KHDRBS2: variants seen among roughly 807,000 people sequenced by gnomAD.
KHDRBS2 encodes the protein KH RNA binding domain containing, signal transduction associated 2.
KHDRBS2 carries 26 observed loss-of-function variants against 44.3 expected under a neutral mutation model. The observed-to-expected ratio is 0.59, with a 90% CI of 0.43 to 0.81. The LOEUF is 0.81. Ranked by LOEUF, KHDRBS2 falls within the 40% of genes least tolerant of loss-of-function variation. The pLI is 0.00. For missense variants in KHDRBS2, 476 were observed against 433.1 expected (o/e 1.10, Z -0.88); for synonymous variants, 194 against 151.1 (o/e 1.28, Z -2.08).
intron 1 of KHDRBS2, among the ~76,000 whole-genome samples, chr6:62,178,200 G>T (rs533206340): frequency 6.6e-6 from 1 of 151,600 alleles, no homozygotes; most frequent in South Asian, 2.1e-4. Flanking sequence ...TTTGAAGGGT[G>T]ATATTTGATC....
At chr6:61,854,688 C>T (rs1426138831) in intron 6 of KHDRBS2, among the ~76,000 whole-genome samples, 11 of 152,106 alleles carry the variant, frequency 7.2e-5, no homozygotes, top group Admixed American at 5.9e-4. Context: ...AGTGAAACAC[C>T]AAAGTTATTT....
At chr6:62,265,850 T>A (rs566711428) in intron 1 of KHDRBS2, among the ~76,000 whole-genome samples, 3 of 152,086 alleles carry the variant, frequency 2.0e-5, no homozygotes, top group Non-Finnish European at 4.4e-5. Flanking sequence ...AATACAAACA[T>A]ACTATTTGAA....
chr6:61,673,227 C>G, the KHDRBS2 span, among the ~76,000 whole-genome samples: 18 of 152,158 alleles, frequency 1.2e-4, no homozygotes, highest in Admixed American at 9.2e-4. Flanking sequence ...GGTACCAGTA[C>G]CATGCTGTTT....
At chr6:62,052,722 C>T (rs918978779) in intron 2 of KHDRBS2, among the ~76,000 whole-genome samples, 1 of 151,992 alleles carries the variant, frequency 6.6e-6, no homozygotes, top group Non-Finnish European at 1.5e-5. Flanking sequence ...AAACCCAGAT[C>T]GCTTGCATGT....
At chr6:61,879,094 C>T (rs1006895149) in intron 6 of KHDRBS2, among the ~76,000 whole-genome samples, 1 of 151,926 alleles carries the variant, frequency 6.6e-6, no homozygotes, top group South Asian at 2.1e-4. Context: ...TTATTGGTTG[C>T]TGCCCTTCTG....
At chr6:62,146,367 G>GA (rs1813933034) in intron 2 of KHDRBS2, among the ~76,000 whole-genome samples, 1 of 151,020 alleles carries the variant, frequency 6.6e-6, no homozygotes, top group Non-Finnish European at 1.5e-5. Flanking sequence ...CCTAAACAAA[G>GA]AAAAATATTT....
intron 1 of KHDRBS2, among the ~76,000 whole-genome samples, chr6:62,273,580 G>A (rs1035555820): frequency 4.6e-5 from 7 of 152,026 alleles, no homozygotes; most frequent in African/African-American, 1.7e-4. Context: ...CTTAAATACT[G>A]TTATTCCTCA....
At chr6:61,963,696 T>A (rs926800354) in intron 4 of KHDRBS2, among the ~76,000 whole-genome samples, 13 of 152,026 alleles carry the variant, frequency 8.6e-5, no homozygotes, top group Admixed American at 3.3e-4. Flanking sequence ...TAAGGAAAGT[T>A]CCCTAATACA....
chr6:61,927,815 C>A (rs952870057), intron 4 of KHDRBS2, among the ~76,000 whole-genome samples: 1 of 151,988 alleles, frequency 6.6e-6, no homozygotes, highest in Non-Finnish European at 1.5e-5. Context: ...ACAAAGATGA[C>A]AAATTTATTT....
In KHDRBS2 at chr6:61,871,658, C is replaced by T. The variant is rs375744553; in HGVS notation, c.810+22977G>A. ...CTCATCAGACTAACAGCAGATCTCT[C>T]GGCAGAATCTCTACAAGCCAGAAGA... On this transcript the variant is annotated intron_variant, in intron 6 of 8. Coordinates refer to ENST00000281156, the MANE Select transcript of KHDRBS2 (RefSeq NM_152688.4). 3.9e-4 allele frequency among the ~76,000 whole-genome samples: 60 copies of T among 152,234 alleles called. No homozygotes were observed. In the East Asian group the frequency reaches 8.5e-3, roughly 22 times the overall value.
intron 3 of KHDRBS2, among the ~76,000 whole-genome samples, chr6:62,026,267 A>C (rs914259651): frequency 6.6e-6 from 1 of 151,748 alleles, no homozygotes; most frequent in African/African-American, 2.4e-5. Flanking sequence ...TGACTCAGTA[A>C]GCCTATTACA....
At chr6:61,733,206 C>A (rs1358951520) in intron 6 of KHDRBS2, among the ~76,000 whole-genome samples, 2 of 151,746 alleles carry the variant, frequency 1.3e-5, no homozygotes, top group Non-Finnish European at 2.9e-5. Flanking sequence ...AAACTGTAGT[C>A]AACTTTCAGT....
At chr6:61,775,035 A>G (rs531709938) in intron 6 of KHDRBS2, among the ~76,000 whole-genome samples, 44 of 152,078 alleles carry the variant, frequency 2.9e-4, no homozygotes, top group Non-Finnish European at 5.4e-4. Context: ...AACCAAAGAC[A>G]AAAACCACAT....
At chr6:62,280,454 G>A (rs1841642452) in intron 1 of KHDRBS2, among the ~76,000 whole-genome samples, 1 of 152,104 alleles carries the variant, frequency 6.6e-6, no homozygotes, top group African/African-American at 2.4e-5. Flanking sequence ...GGTCAACAGT[G>A]GAAAGTGCAG....
intron 6 of KHDRBS2, among the ~76,000 whole-genome samples, chr6:61,805,538 C>T (rs1428441458): frequency 6.6e-6 from 1 of 152,122 alleles, no homozygotes; most frequent in Non-Finnish European, 1.5e-5. Context: ...CTGTATTAGT[C>T]TGCCTTCATG....
chr6:61,559,289 C>G, the KHDRBS2 span, among the ~76,000 whole-genome samples: 3,707 of 151,692 alleles, frequency 0.024, 71 homozygotes, highest in Middle Eastern at 0.087. Context: ...CCTTTTCTTA[C>G]CAGTGTATGC....
chr6:61,693,716 AG>A (rs1767609965), intron 8 of KHDRBS2, among the ~76,000 whole-genome samples: 1 of 152,136 alleles, frequency 6.6e-6, no homozygotes, highest in South Asian at 2.1e-4. Flanking sequence ...AATTTGGCCC[AG>A]AATGAAATTT....
intron 8 of KHDRBS2, among the ~76,000 whole-genome samples, chr6:61,689,981 G>A (rs1054618643): frequency 3.3e-5 from 5 of 151,938 alleles, no homozygotes; most frequent in Non-Finnish European, 7.4e-5. Context: ...TTTTAGTCCA[G>A]AGCATTTAAC....
chr6:61,582,071 A>G, the KHDRBS2 span, among the ~76,000 whole-genome samples: 2 of 151,884 alleles, frequency 1.3e-5, no homozygotes, highest in African/African-American at 2.4e-5. Context: ...TAAGTAATAA[A>G]AAGCAAGTGA....
Sources: gnomAD v4.1 joint callset for allele counts (sites outside exome capture counted in the v4.1 genomes callset) on GRCh38, gnomAD v4.1.1 for gene constraint, MANE v1.5 for transcripts, NCBI Gene and HGNC (gene_info 2026-07-23, HGNC 2026-07-21) for gene names.